The following C12orf54 variants were observed in gnomAD, a reference collection of about 807,000 sequenced individuals.
C12orf54 encodes the protein chromosome 12 open reading frame 54, also known as uncharacterized protein C12orf54.
Under a neutral mutation model 26.4 loss-of-function variants are expected in C12orf54, and 24 were observed. That is an observed-to-expected ratio of 0.91 (90% CI 0.66 to 1.28). C12orf54 has a LOEUF of 1.28. C12orf54 is among the 50% of genes most tolerant of loss of function. The pLI is 0.00. For synonymous variants in C12orf54, 54 were observed against 47.0 expected (o/e 1.15, Z -0.61); for missense variants, 154 against 150.9 (o/e 1.02, Z -0.11).
the C12orf54 span, among the ~76,000 whole-genome samples, chr12:48,458,184 C>T: frequency 3.3e-5 from 5 of 152,308 alleles, no homozygotes; most frequent in Admixed American, 1.3e-4. Flanking sequence ...TGAACTCCAG[C>T]CTGACCTGCT....
At chr12:48,490,485 T>G (rs1937763925) in intron 5 of C12orf54, among the ~76,000 whole-genome samples, 1 of 152,114 alleles carries the variant, frequency 6.6e-6, no homozygotes, top group South Asian at 2.1e-4. Flanking sequence ...AATCCCCATC[T>G]CTACTAAAAA....
At chr12:48,478,519 C>A (rs1341251940), upstream of C12orf54, among the ~76,000 whole-genome samples, 7 of 152,168 alleles carry the variant, frequency 4.6e-5, no homozygotes, top group African/African-American at 1.7e-4. Flanking sequence ...AGCCCAAAAT[C>A]TCCTCAAGCT....
the C12orf54 span, among the ~76,000 whole-genome samples, chr12:48,472,383 A>G: frequency 6.6e-6 from 1 of 152,242 alleles, no homozygotes; most frequent in Admixed American, 6.5e-5. Flanking sequence ...AGAAGTGATC[A>G]GATTTAGGAT....
chr12:48,484,130 G>T (rs543746311), intron 2 of C12orf54, among the ~76,000 whole-genome samples: 65 of 152,322 alleles, frequency 4.3e-4, no homozygotes, highest in African/African-American at 1.4e-3. Context: ...GGGAGGCGGA[G>T]GTTGCGGTGA....
the C12orf54 span, among the ~76,000 whole-genome samples, chr12:48,422,127 G>A: frequency 6.6e-6 from 1 of 152,078 alleles, no homozygotes; most frequent in Admixed American, 6.5e-5. Context: ...TGTAAGAAGG[G>A]TTAAAAGAAG....
chr12:48,448,170 C>T, the C12orf54 span, among the ~76,000 whole-genome samples: 16 of 152,302 alleles, frequency 1.1e-4, no homozygotes, highest in Admixed American at 1.0e-3. Context: ...ACAGAGAAAC[C>T]ATGTAAGCCA....
chr12:48,480,798 A>C (rs1954190837), upstream of C12orf54, among the ~76,000 whole-genome samples: 1 of 152,238 alleles, frequency 6.6e-6, no homozygotes, highest in African/African-American at 2.4e-5. Flanking sequence ...AAAGACATGG[A>C]ATCAACCCAG....
upstream of C12orf54, among the ~76,000 whole-genome samples, chr12:48,480,437 G>T (rs1004955431): frequency 6.7e-6 from 1 of 149,830 alleles, no homozygotes; most frequent in Non-Finnish European, 1.5e-5. Flanking sequence ...GAGAATTTTT[G>T]CTGTGCAAAA....
the C12orf54 span, among the ~76,000 whole-genome samples, chr12:48,460,825 GT>G: frequency 1.3e-5 from 2 of 151,890 alleles, no homozygotes; most frequent in Non-Finnish European, 2.9e-5. Flanking sequence ...AGATCAAATG[GT>G]ATCACAAAAA....
the C12orf54 span, among the ~76,000 whole-genome samples, chr12:48,460,566 C>G: frequency 2.6e-5 from 4 of 151,984 alleles, no homozygotes; most frequent in African/African-American, 9.7e-5. Context: ...TTTTAAAAAT[C>G]TTTTTATTTT....
the C12orf54 span, among the ~76,000 whole-genome samples, chr12:48,437,358 T>C: frequency 1.3e-5 from 2 of 152,178 alleles, no homozygotes; most frequent in Admixed American, 1.3e-4. Flanking sequence ...CTGAAACTAT[T>C]CCAATCAGTA....
At chr12:48,483,440 C>G in intron 2 of C12orf54, 79 bp downstream of exon 2, 1 of 1,365,488 alleles carries the variant, frequency 7.3e-7, no homozygotes, top group Non-Finnish European at 1.0e-6. Context: ...CTCCTGTCTT[C>G]TATGGCTCTT....
the C12orf54 span, among the ~76,000 whole-genome samples, chr12:48,449,680 G>A: frequency 3.9e-5 from 6 of 152,148 alleles, no homozygotes; most frequent in African/African-American, 1.4e-4. Flanking sequence ...TTAACTGAAT[G>A]CTTTTCTGAT....
the C12orf54 span, among the ~76,000 whole-genome samples, chr12:48,429,438 G>C: frequency 1.3e-5 from 2 of 151,880 alleles, no homozygotes; most frequent in African/African-American, 2.4e-5. Flanking sequence ...CCTCCAGAAG[G>C]CTCCTCAAAC....
the C12orf54 span, among the ~76,000 whole-genome samples, chr12:48,449,759 A>C: frequency 6.6e-6 from 1 of 152,190 alleles, no homozygotes; most frequent in Non-Finnish European, 1.5e-5. Context: ...ACATCTTCTG[A>C]AGATTCAATT....
chr12:48,464,740 G>A, the C12orf54 span, among the ~76,000 whole-genome samples: 1 of 151,986 alleles, frequency 6.6e-6, no homozygotes, highest in Non-Finnish European at 1.5e-5. Context: ...CAATAGAACA[G>A]AATAGAGAAC....
the C12orf54 span, among the ~76,000 whole-genome samples, chr12:48,441,563 G>GA: frequency 6.6e-6 from 1 of 152,162 alleles, no homozygotes; most frequent in Non-Finnish European, 1.5e-5. Context: ...TAATGACAGG[G>GA]GTTGGGGGTG....
At chr12:48,421,768 G>A in the C12orf54 span, among the ~76,000 whole-genome samples, 1 of 152,070 alleles carries the variant, frequency 6.6e-6, no homozygotes, top group Non-Finnish European at 1.5e-5. Flanking sequence ...GACCTCAGGT[G>A]ATCCACCCGC....
the C12orf54 span, among the ~76,000 whole-genome samples, chr12:48,471,817 G>C: frequency 6.6e-6 from 1 of 152,170 alleles, no homozygotes; most frequent in Non-Finnish European, 1.5e-5. Context: ...GGCTACTTTT[G>C]CTATTCAGGC....
Sources: gnomAD v4.1 joint callset for allele counts (sites outside exome capture counted in the v4.1 genomes callset) on GRCh38, gnomAD v4.1.1 for gene constraint, MANE v1.5 for transcripts, NCBI Gene and HGNC (gene_info 2026-07-23, HGNC 2026-07-21) for gene names.